WIPF3: variants seen among roughly 807,000 people sequenced by gnomAD.
The protein encoded by WIPF3 is WAS/WASL-interacting protein family member 3.
A neutral mutation model predicts 38.9 loss-of-function variants in WIPF3; 33 were observed. That is an observed-to-expected ratio of 0.85 (90% CI 0.64 to 1.14). WIPF3 has a LOEUF of 1.14. WIPF3 is among the 50% of genes most tolerant of loss of function. The pLI is 0.00. For missense variants in WIPF3, 711 were observed against 652.5 expected (o/e 1.09, Z -0.98); for synonymous variants, 324 against 269.3 (o/e 1.20, Z -1.99).
intron 2 of WIPF3, among the ~76,000 whole-genome samples, chr7:29,854,038 A>G (rs1018669677): frequency 2.6e-5 from 4 of 152,192 alleles, no homozygotes; most frequent in Non-Finnish European, 4.4e-5. Context: ...GCACGCTGGT[A>G]AACTCCCTAA....
At chr7:29,836,712 G>A (rs1784808221) in intron 2 of WIPF3, among the ~76,000 whole-genome samples, 1 of 152,202 alleles carries the variant, frequency 6.6e-6, no homozygotes. Flanking sequence ...CATCTGGCGG[G>A]GCACAGTGGC....
At chr7:29,877,919 A>T (rs1326279410) in intron 3 of WIPF3, among the ~76,000 whole-genome samples, 1 of 152,164 alleles carries the variant, frequency 6.6e-6, no homozygotes, top group Non-Finnish European at 1.5e-5. Flanking sequence ...AGGGATACTC[A>T]CCCTGTAATG....
intron 2 of WIPF3, among the ~76,000 whole-genome samples, chr7:29,841,360 C>CT (rs990456576): frequency 6.6e-6 from 1 of 152,136 alleles, no homozygotes; most frequent in African/African-American, 2.4e-5. Flanking sequence ...AGCATCTTTT[C>CT]TTTTTTCAAG....
At position 29,879,153 on chromosome 7, in the gene WIPF3, T is replaced by G. The variant is rs1231257558; in HGVS notation, c.355+13T>G. 1 of 1,606,568 alleles carries G rather than the reference T, an allele frequency of 6.2e-7. No homozygotes were observed. Among genetic ancestry groups the G allele is most frequent in the Admixed American group, 1.7e-5 (1 of 59,874 alleles). On this transcript the variant is annotated intron_variant, in intron 4 of 8. Coordinates refer to ENST00000242140, the MANE Select transcript of WIPF3 (RefSeq NM_001080529.3). ...CGGGATGTAGCAGGTAAGGAAGAAT[T>G]CATTCTGGCTCCCTTGTGGTCTGTA... is the stretch of plus-strand genomic sequence containing the variant.
intron 2 of WIPF3, 96 bp downstream of exon 2, chr7:29,834,910 A>G: frequency 7.1e-7 from 1 of 1,414,932 alleles, no homozygotes; most frequent in African/African-American, 1.5e-5. Context: ...AGCACTGCCT[A>G]GCTTCCCTGT....
intron 2 of WIPF3, among the ~76,000 whole-genome samples, chr7:29,841,812 TAA>T (rs1784917464): frequency 6.6e-6 from 1 of 152,096 alleles, no homozygotes; most frequent in Non-Finnish European, 1.5e-5. Context: ...TAATAATAAA[TAA>T]AAAATAAAAT....
intron 1 of WIPF3, among the ~76,000 whole-genome samples, chr7:29,822,221 T>G (rs1226638601): frequency 1.3e-5 from 2 of 151,674 alleles, no homozygotes; most frequent in Non-Finnish European, 2.9e-5. Flanking sequence ...CCAACTATTT[T>G]CAGATTTACT....
At chr7:29,846,055 AATGC>A (rs1249902603) in intron 2 of WIPF3, among the ~76,000 whole-genome samples, 1 of 152,248 alleles carries the variant, frequency 6.6e-6, no homozygotes, top group Non-Finnish European at 1.5e-5. Flanking sequence ...GAACACCCTC[AATGC>A]ATTTAAATTT....
intron 7 of WIPF3, among the ~76,000 whole-genome samples, chr7:29,899,473 C>A (rs568552266): frequency 6.6e-6 from 1 of 152,354 alleles, no homozygotes; most frequent in African/African-American, 2.4e-5. Flanking sequence ...GCAGAGACTG[C>A]AGCAGTTTTT....
At chr7:29,863,636 AT>A (rs1001804736) in intron 2 of WIPF3, among the ~76,000 whole-genome samples, 1 of 152,222 alleles carries the variant, frequency 6.6e-6, no homozygotes, top group African/African-American at 2.4e-5. Flanking sequence ...TTGGAATTGC[AT>A]TGAATTTACA....
At chr7:29,817,752 C>G (rs1307846407) in intron 1 of WIPF3, among the ~76,000 whole-genome samples, 2 of 151,978 alleles carry the variant, frequency 1.3e-5, no homozygotes, top group African/African-American at 2.4e-5. Context: ...ATGAATATGG[C>G]TTTATTATTT....
intron 2 of WIPF3, among the ~76,000 whole-genome samples, chr7:29,858,495 A>G (rs992219952): frequency 4.1e-5 from 6 of 146,734 alleles, no homozygotes; most frequent in African/African-American, 1.1e-4. Flanking sequence ...CAAGACAAAA[A>G]CAGTCGAGAG....
chr7:29,815,546 G>A (rs996660479), intron 1 of WIPF3, among the ~76,000 whole-genome samples: 1 of 152,086 alleles, frequency 6.6e-6, no homozygotes, highest in African/African-American at 2.4e-5. Flanking sequence ...TAAAAAAGAC[G>A]AGCCAAGATA....
chr7:29,916,191 A>G lies in WIPF3; in HGVS notation c.*1675A>G, dbSNP rs937798250. Reference sequence around the variant, plus strand: ...AGGTCATCAGCTCTGGGCATAACTAATTTGTTTTATTGGTTCTGGAAGATT... The same window carrying G: ...AGGTCATCAGCTCTGGGCATAACTAGTTTGTTTTATTGGTTCTGGAAGATT... On this transcript the variant is annotated 3_prime_UTR_variant, in exon 9 of 9. Coordinates refer to ENST00000242140, the MANE Select transcript of WIPF3 (RefSeq NM_001080529.3). 2.6e-5 allele frequency: 4 copies of G among 152,272 alleles called. No individual in the cohort carries two copies. The highest frequency in any genetic ancestry group is 9.6e-5 in the African/African-American group (4 of 41,564). The allele number at this position is 152,272 out of a possible 1,614,324, so 9.4% of individuals were successfully genotyped here.
intron 1 of WIPF3, among the ~76,000 whole-genome samples, chr7:29,824,679 A>G (rs1784588386): frequency 6.6e-6 from 1 of 152,178 alleles, no homozygotes; most frequent in Admixed American, 6.5e-5. Flanking sequence ...TAGCCCAGAG[A>G]GGAGTACATG....
At chr7:29,905,245 T>C (rs1243172044) in intron 8 of WIPF3, 2 of 152,222 alleles carry the variant, frequency 1.3e-5, no homozygotes, top group Non-Finnish European at 2.9e-5. Context: ...GCAGTAACGA[T>C]TCTTAGACGA....
chr7:29,875,739 G>C, intron 2 of WIPF3, 91 bp from the exon 3 acceptor site: 1 of 1,536,534 alleles, frequency 6.5e-7, no homozygotes, highest in South Asian at 1.2e-5. Context: ...GGGGAAGACA[G>C]AGAACTGCAA....
chr7:29,901,383 ATTTTT>A (rs543723994), intron 7 of WIPF3, among the ~76,000 whole-genome samples: 3 of 122,184 alleles, frequency 2.5e-5, no homozygotes, highest in African/African-American at 1.0e-4. Flanking sequence ...AGCAGCAGTG[ATTTTT>A]TTTTTTTTTT....
intron 7 of WIPF3, among the ~76,000 whole-genome samples, chr7:29,900,695 A>G (rs1217869729): frequency 6.6e-6 from 1 of 152,246 alleles, no homozygotes; most frequent in African/African-American, 2.4e-5. Flanking sequence ...TGTAAGAACA[A>G]GAAAGGCCCT....
Sources: allele counts gnomAD v4.1 joint callset (sites outside exome capture counted in the v4.1 genomes callset), GRCh38; gene constraint gnomAD v4.1.1; transcripts MANE v1.5; gene names NCBI Gene and HGNC (gene_info 2026-07-23, HGNC 2026-07-21).